Variants in KCNK10 observed in about 807,000 individuals in gnomAD.
KCNK10 encodes potassium channel subfamily K member 10.
A neutral mutation model predicts 47.7 loss-of-function variants in KCNK10; 25 were observed. The observed-to-expected ratio is 0.52, with a 90% CI of 0.38 to 0.73. The LOEUF (loss-of-function observed/expected upper bound fraction) is 0.73. Among genes scored for constraint, KCNK10 ranks in the 30% least tolerant of loss-of-function variants. KCNK10 has a pLI of 0.00. For missense variants in KCNK10, 563 were observed against 714.5 expected, an observed-to-expected ratio of 0.79 and a Z score of 2.42; for synonymous variants, 303 against 285.6, an observed-to-expected ratio of 1.06 and a Z score of -0.61.
intron 1 of KCNK10, among the ~76,000 whole-genome samples, chr14:88,296,828 G>T (rs886175871): frequency 6.6e-6 from 1 of 152,106 alleles, no homozygotes; most frequent in Admixed American, 6.5e-5. Context: ...ACTCCAAATA[G>T]GACCATTACA....
rs774665561 is a variant in KCNK10 at position 88,227,363 on chromosome 14, C to A, written c.681+12G>T. On this transcript the variant is annotated intron_variant, in intron 4 of 6. Coordinates refer to ENST00000319231, the MANE Select transcript of KCNK10 (RefSeq NM_138317.3). ...CACAGTGGTTAGAATTTAAATATGA[C>A]ACAGTACTCACTCGAAAGACCTTCT... 1 of 1,597,194 alleles carries A rather than the reference C, an allele frequency of 6.3e-7. No individual in the cohort carries two copies. The highest frequency in any genetic ancestry group is 2.2e-5 in the East Asian group (1 of 44,714).
In KCNK10 at chr14:88,263,493, G is replaced by T; in HGVS notation, c.111C>A (p.Pro37=). 6.2e-7 allele frequency: 1 copy of T among 1,613,702 alleles called. No homozygotes were observed. The highest frequency in any genetic ancestry group is 8.5e-7 in the Non-Finnish European group (1 of 1,180,008). Residue 37 remains proline (P), a synonymous_variant, in exon 2 of 7, where the codon CCC becomes CCA. Transcript: ENST00000319231. ...CQPKSATNGQ[P]PAPAPTPTPR... ...GAGTTGGAGTCGGAGCCGGAGCCGG[G>T]GGTTGCCCGTTAGTGGCGCTCTTGG...
intron 2 of KCNK10, among the ~76,000 whole-genome samples, chr14:88,257,924 C>T (rs191177399): frequency 6.6e-6 from 1 of 152,180 alleles, no homozygotes; most frequent in African/African-American, 2.4e-5. Context: ...CTATGCTGTG[C>T]ATTGTAGGAT....
intron 1 of KCNK10, among the ~76,000 whole-genome samples, chr14:88,291,905 GA>G (rs113326696): frequency 0.043 from 6,506 of 152,136 alleles, 253 homozygotes; most frequent in African/African-American, 0.093. Context: ...AAAGCCTTCA[GA>G]AAAAAGCCTT....
At chr14:88,303,440 A>G (rs1595130170) in intron 1 of KCNK10, among the ~76,000 whole-genome samples, 1 of 151,986 alleles carries the variant, frequency 6.6e-6, no homozygotes, top group East Asian at 1.9e-4. Flanking sequence ...TGAGGGGAGG[A>G]AGTAGTGATG....
At position 88,232,216 on chromosome 14, in the gene KCNK10, A is replaced by G. The variant is rs188964650; in HGVS notation, c.521-4681T>C. Among the ~76,000 whole-genome samples, 140 of 152,376 alleles carry G rather than the reference A, an allele frequency of 9.2e-4. 2 individuals are homozygous for G. Among genetic ancestry groups the G allele is most frequent in the Middle Eastern group, 6.8e-3 (2 of 294 alleles). On this transcript the variant is annotated intron_variant, in intron 3 of 6. Coordinates refer to ENST00000319231, the MANE Select transcript of KCNK10 (RefSeq NM_138317.3). The stretch of plus-strand genomic sequence containing the variant: ...GTGAATAGTGGATCCAATAGAAACC[A>G]TCAAAGAATACACTTTTCAAAGAAC...
chr14:88,239,930 A>T (rs931594765), intron 3 of KCNK10, among the ~76,000 whole-genome samples: 2 of 151,930 alleles, frequency 1.3e-5, no homozygotes, highest in Non-Finnish European at 2.9e-5. Context: ...AACCCCTAAG[A>T]CAAAAATACA....
rs957709182 is a variant in KCNK10 at position 88,303,930 on chromosome 14, T to C, written c.52+18817A>G. On this transcript the variant is annotated intron_variant, in intron 1 of 6. Transcript: ENST00000319231. ...GCTTTCACAGAACTCTCTTCTGGAG[T>C]AGGTATTCTGTCTTGTGTCATAATT... Among the ~76,000 whole-genome samples, 40 of 152,102 alleles carry C rather than the reference T, an allele frequency of 2.6e-4. 1 individual carries two copies. The highest frequency in any genetic ancestry group is 2.4e-3 in the Admixed American group (36 of 15,276).
At chr14:88,312,481 C>T (rs1888346685) in intron 1 of KCNK10, among the ~76,000 whole-genome samples, 2 of 152,202 alleles carry the variant, frequency 1.3e-5, no homozygotes, top group Admixed American at 6.5e-5. Flanking sequence ...GGCCTGCAGG[C>T]ACTGCAGGAA....
intron 4 of KCNK10, among the ~76,000 whole-genome samples, chr14:88,202,785 G>A (rs898903096): frequency 1.1e-4 from 16 of 151,770 alleles, no homozygotes; most frequent in Admixed American, 2.0e-4. Context: ...AGAGTCTTCC[G>A]GTTGCGGGGG....
rs2139813730 is a variant in KCNK10 at position 88,181,495 on chromosome 14, T to G, written c.*4040A>C. The G allele has an allele frequency of 1.4e-5, 2 of 146,300 alleles. 1 individual carries two copies. The highest frequency in any genetic ancestry group is 3.0e-5 in the Non-Finnish European group (2 of 66,986). The allele number at this position is 146,300 out of a possible 1,614,324, so 9.1% of individuals were successfully genotyped here. A position where few individuals can be genotyped will look rare whatever the true frequency, so the allele number is the denominator to read the frequency against. On this transcript the variant is annotated 3_prime_UTR_variant, in exon 7 of 7. Transcript: ENST00000319231. Reference sequence around the variant, plus strand: ...GTACTTGAATTCATGATACATGAAGTACTACAATTGACTGCAAATAACAAC... The same window carrying G: ...GTACTTGAATTCATGATACATGAAGGACTACAATTGACTGCAAATAACAAC...
intron 1 of KCNK10, among the ~76,000 whole-genome samples, chr14:88,292,410 C>T (rs1249433373): frequency 2.0e-5 from 3 of 152,028 alleles, no homozygotes; most frequent in African/African-American, 4.8e-5. Flanking sequence ...AGTGCAATGG[C>T]GCGATCTCGG....
At chr14:88,202,074 T>C (rs1885120352) in intron 4 of KCNK10, among the ~76,000 whole-genome samples, 1 of 152,230 alleles carries the variant, frequency 6.6e-6, no homozygotes, top group Non-Finnish European at 1.5e-5. Context: ...TGAACAGTTC[T>C]TCTCAGAGGA....
chr14:88,245,804 A>C (rs1886621011), intron 2 of KCNK10, among the ~76,000 whole-genome samples: 1 of 152,220 alleles, frequency 6.6e-6, no homozygotes, highest in Admixed American at 6.5e-5. Context: ...CTATTGTCCA[A>C]AGCAGGGAAC....
intron 1 of KCNK10, among the ~76,000 whole-genome samples, chr14:88,307,435 A>G (rs1888226929): frequency 6.6e-6 from 1 of 152,144 alleles, no homozygotes; most frequent in Non-Finnish European, 1.5e-5. Flanking sequence ...AAGTAAATTC[A>G]TGCTTGCCAG....
At chr14:88,189,392 G>A (rs147432927) in intron 5 of KCNK10, among the ~76,000 whole-genome samples, 3 of 152,262 alleles carry the variant, frequency 2.0e-5, no homozygotes, top group Non-Finnish European at 4.4e-5. Flanking sequence ...CTGAGTTCCC[G>A]CACCAGTAAG....
At chr14:88,246,999 A>G (rs1886662330) in intron 2 of KCNK10, among the ~76,000 whole-genome samples, 1 of 152,182 alleles carries the variant, frequency 6.6e-6, no homozygotes, top group Admixed American at 6.5e-5. Context: ...ACAGTGGGCA[A>G]CACTGCTGCC....
intron 4 of KCNK10, among the ~76,000 whole-genome samples, chr14:88,213,332 G>C (rs938410778): frequency 6.6e-6 from 1 of 152,092 alleles, no homozygotes; most frequent in African/African-American, 2.4e-5. Flanking sequence ...TCTATAAGAA[G>C]AGAGCAAAGA....
At chr14:88,275,075 C>T (rs1050435757) in intron 1 of KCNK10, among the ~76,000 whole-genome samples, 8 of 152,180 alleles carry the variant, frequency 5.3e-5, no homozygotes, top group Non-Finnish European at 8.8e-5. Context: ...CCCCTTCCTG[C>T]GCCTTTTCTC....
Sources: gnomAD v4.1 joint callset for allele counts (sites outside exome capture counted in the v4.1 genomes callset) on GRCh38, gnomAD v4.1.1 for gene constraint, MANE v1.5 for transcripts, NCBI Gene and HGNC (gene_info 2026-07-23, HGNC 2026-07-21) for gene names.